CUL5: variants seen among roughly 807,000 people sequenced by gnomAD.
CUL5 encodes the protein cullin 5, also known as cullin-5.
CUL5 carries 26 observed loss-of-function variants against 108.8 expected under a neutral mutation model. The observed-to-expected ratio is 0.24, with a 90% CI of 0.18 to 0.33. The LOEUF (loss-of-function observed/expected upper bound fraction) is 0.33. CUL5 is among the 10% of genes least tolerant of loss of function. CUL5 has a pLI of 1.00. For synonymous variants in CUL5, 334 were observed against 298.0 expected (o/e 1.12, Z -1.25); for missense variants, 524 against 909.2 (o/e 0.58, Z 5.45).
intron 10 of CUL5, 117 bp from the exon 11 acceptor site, chr11:108,078,059 G>T: frequency 1.8e-6 from 1 of 564,050 alleles, no homozygotes; most frequent in Non-Finnish European, 3.0e-6. Context: ...ATTCTGTTTG[G>T]CCAGATATAC....
At chr11:108,048,728 G>C (rs1033051402) in intron 3 of CUL5, among the ~76,000 whole-genome samples, 1 of 139,606 alleles carries the variant, frequency 7.2e-6, no homozygotes, top group Non-Finnish European at 1.5e-5. Flanking sequence ...GTGCAGTAGC[G>C]CGATCTCGGC....
At chr11:108,073,563 A>G in intron 10 of CUL5, 66 bp downstream of exon 10, 4 of 654,854 alleles carry the variant, frequency 6.1e-6, no homozygotes, top group Non-Finnish European at 9.8e-6. Flanking sequence ...ACTTCTAATA[A>G]TCAATTTGCA....
intron 7 of CUL5, among the ~76,000 whole-genome samples, chr11:108,066,079 G>A (rs1017648368): frequency 5.9e-5 from 9 of 152,204 alleles, no homozygotes; most frequent in Non-Finnish European, 8.8e-5. Flanking sequence ...GGTGGCTCAC[G>A]CCTCTAATCC....
chr11:108,104,042 A>G (rs1316613883), intron 18 of CUL5, 148 bp from the exon 19 acceptor site: 3 of 553,976 alleles, frequency 5.4e-6, no homozygotes, highest in Middle Eastern at 9.4e-4. Flanking sequence ...AAAAGATACT[A>G]GTCTCAACAT....
At chr11:108,100,985 C>T (rs1206724499) in intron 18 of CUL5, among the ~76,000 whole-genome samples, 7 of 152,044 alleles carry the variant, frequency 4.6e-5, no homozygotes, top group Admixed American at 2.0e-4. Context: ...GCGGAGATCG[C>T]GCCACTGCAC....
chr11:108,016,372 A>G (rs1031601880), intron 1 of CUL5, among the ~76,000 whole-genome samples: 8 of 151,988 alleles, frequency 5.3e-5, no homozygotes, highest in South Asian at 2.1e-4. Context: ...GGCTCAGGTA[A>G]TCCTCCCACC....
At chr11:108,065,018 T>TTTAA (rs1354529569) in intron 7 of CUL5, among the ~76,000 whole-genome samples, 1 of 152,148 alleles carries the variant, frequency 6.6e-6, no homozygotes, top group Admixed American at 6.5e-5. Context: ...ATTTTATTTA[T>TTTAA]TTAATTAATT....
chr11:108,072,198 C>A lies in CUL5; in HGVS notation c.875-134C>A, dbSNP rs1450114661. On this transcript the variant is annotated intron_variant, in intron 8 of 18. Coordinates refer to ENST00000393094, the MANE Select transcript of CUL5 (RefSeq NM_003478.6). ...TGTCTCAAAAACAAAAAAACAACAA[C>A]AAAAAAACGAACAACTACTCCTAAT... 6 of 684,266 alleles carry A rather than the reference C, an allele frequency of 8.8e-6. No homozygotes were observed. The Admixed American group carries it at 1.1e-4, about 13-fold the overall frequency. The allele number at this position is 684,266 out of a possible 1,614,324, so 42.4% of individuals were successfully genotyped here.
chr11:108,021,601 C>A (rs570792704), intron 1 of CUL5, among the ~76,000 whole-genome samples: 1 of 152,150 alleles, frequency 6.6e-6, no homozygotes, highest in East Asian at 1.9e-4. Context: ...GCTCTTGCCT[C>A]AACCTCTGGA....
intron 7 of CUL5, among the ~76,000 whole-genome samples, chr11:108,065,673 G>A (rs1863659069): frequency 6.6e-6 from 1 of 152,182 alleles, no homozygotes; most frequent in Non-Finnish European, 1.5e-5. Context: ...GCTGGGGGAT[G>A]AGGGAGGGGT....
At position 108,035,127 on chromosome 11, in the gene CUL5, A is replaced by G. The variant is rs549616003; in HGVS notation, c.134+1216A>G. 2.0e-5 allele frequency among the ~76,000 whole-genome samples: 3 copies of G among 152,336 alleles called. No homozygotes were observed. The East Asian group carries it at 5.8e-4, about 29-fold the overall frequency. ...GTTGCAAACTGTAACCAATCCAGAA[A>G]GGCAAACACAAGTCAGTAGCAGTGA... On this transcript the variant is annotated intron_variant, in intron 2 of 18. Coordinates refer to ENST00000393094, the MANE Select transcript of CUL5 (RefSeq NM_003478.6).
intron 1 of CUL5, among the ~76,000 whole-genome samples, chr11:108,011,610 A>G (rs1261185077): frequency 1.3e-5 from 2 of 151,768 alleles, no homozygotes; most frequent in Non-Finnish European, 2.9e-5. Flanking sequence ...AAAAACCACC[A>G]GCTTTTCTTT....
chr11:108,073,967 C>G (rs1311222223), intron 10 of CUL5: 7 of 152,850 alleles, frequency 4.6e-5, no homozygotes, highest in Admixed American at 1.3e-4. Flanking sequence ...TATTGCATAC[C>G]ATCTTTTTCC....
At chr11:108,057,619 G>T (rs1284765204) in intron 7 of CUL5, among the ~76,000 whole-genome samples, 1 of 152,182 alleles carries the variant, frequency 6.6e-6, no homozygotes, top group Non-Finnish European at 1.5e-5. Flanking sequence ...TCTTCAAGGT[G>T]TCAAGACTGT....
chr11:108,012,259 T>C (rs187213595), intron 1 of CUL5, among the ~76,000 whole-genome samples: 2 of 152,306 alleles, frequency 1.3e-5, no homozygotes, highest in Admixed American at 1.3e-4. Context: ...TTAGTGCTCA[T>C]TTTTTTCATT....
chr11:108,030,138 A>G (rs1228708815), intron 1 of CUL5, among the ~76,000 whole-genome samples: 1 of 152,258 alleles, frequency 6.6e-6, no homozygotes, highest in Admixed American at 6.5e-5. Flanking sequence ...ATGTGAGGCC[A>G]GGCATAAAGT....
At chr11:108,096,296 A>G (rs961763550) in intron 16 of CUL5, among the ~76,000 whole-genome samples, 5 of 149,712 alleles carry the variant, frequency 3.3e-5, no homozygotes, top group Non-Finnish European at 7.4e-5. Flanking sequence ...GGAGTTTGAG[A>G]CTAGCTAGGC....
intron 11 of CUL5, among the ~76,000 whole-genome samples, chr11:108,080,487 G>GTGGGTTCAAGTGATTCTC (rs1864052018): frequency 6.6e-6 from 1 of 151,808 alleles, no homozygotes; most frequent in African/African-American, 2.4e-5. Flanking sequence ...CATCCACCTC[G>GTGGGTTCAAGTGATTCTC]TGGGTTCAAG....
At chr11:108,073,151 G>A (rs1462438480) in intron 9 of CUL5, among the ~76,000 whole-genome samples, 6 of 150,992 alleles carry the variant, frequency 4.0e-5, no homozygotes, top group East Asian at 2.0e-4. Flanking sequence ...GCAGTGAGCC[G>A]AGAAGGTGCC....
Sources: gnomAD v4.1 joint callset for allele counts (sites outside exome capture counted in the v4.1 genomes callset) on GRCh38, gnomAD v4.1.1 for gene constraint, MANE v1.5 for transcripts, NCBI Gene and HGNC (gene_info 2026-07-23, HGNC 2026-07-21) for gene names.